The following COX7A2L variants were observed in gnomAD, a reference collection of about 807,000 sequenced individuals.
COX7A2L encodes cytochrome c oxidase subunit 7A2-like, mitochondrial.
In COX7A2L, 18 loss-of-function variants were observed where a neutral mutation model predicts 14.2. The ratio of observed to expected loss-of-function variants is 1.27; its 90% CI spans 0.88 to 1.88. The LOEUF (loss-of-function observed/expected upper bound fraction) is 1.88. Among genes scored for constraint, COX7A2L ranks in the 40% most tolerant of loss-of-function variants. The pLI, the probability that COX7A2L is intolerant of heterozygous loss-of-function variation, is 0.00. For missense variants in COX7A2L, 179 were observed against 138.8 expected (o/e 1.29, Z -1.46); for synonymous variants, 65 against 57.4 (o/e 1.13, Z -0.60).
chr2:42,340,918 G>A (rs1286603897), intron 2 of COX7A2L, among the ~76,000 whole-genome samples: 1 of 152,174 alleles, frequency 6.6e-6, no homozygotes, highest in Non-Finnish European at 1.5e-5. Flanking sequence ...GCAAAGGTGG[G>A]GCAAATGGTC....
chr2:42,344,565 G>A (rs1377528851), downstream of COX7A2L, among the ~76,000 whole-genome samples: 4 of 152,128 alleles, frequency 2.6e-5, no homozygotes, highest in African/African-American at 9.7e-5. Context: ...CTTAGAATGC[G>A]TCGCAGGCCC....
rs941169569 is a variant in COX7A2L at position 42,338,374 on chromosome 2, C to T, written c.193-4505G>A. ...CAAATGGAAAGGAAGAGCAGAATTT[C>T]ACTCTCTAGCAGAGCCCTCCCAAGA... On this transcript the variant is annotated intron_variant, in intron 2 of 2. Transcript: ENST00000468711. The surrounding 1 kb of genome is among the most constrained non-coding windows in gnomAD (Gnocchi z 4.4). 4.7e-4 allele frequency among the ~76,000 whole-genome samples: 71 copies of T among 152,270 alleles called. No homozygotes were observed. The highest frequency in any genetic ancestry group is 1.6e-3 in the African/African-American group (68 of 41,554).
intron 2 of COX7A2L, among the ~76,000 whole-genome samples, chr2:42,340,238 C>G (rs1185784349): frequency 6.6e-6 from 1 of 152,158 alleles, no homozygotes; most frequent in Non-Finnish European, 1.5e-5. Flanking sequence ...ACCCCAGAGA[C>G]AACCTCCCCT....
At chr2:42,351,388 G>T in intron 2 of COX7A2L, 29 bp from the exon 3 acceptor site, 1 of 1,603,038 alleles carries the variant, frequency 6.2e-7, no homozygotes, top group Admixed American at 1.8e-5. Context: ...CAAGGGCATG[G>T]TTGAGAAGAA....
chr2:42,348,689 C>T (rs146948790), downstream of COX7A2L, among the ~76,000 whole-genome samples: 36 of 152,188 alleles, frequency 2.4e-4, no homozygotes, highest in East Asian at 4.1e-3. Flanking sequence ...GAGGCTGAGG[C>T]GGGCAGATCA....
chr2:42,360,718 C>CAAAA (rs10659472), intron 1 of COX7A2L, among the ~76,000 whole-genome samples: 5 of 152,004 alleles, frequency 3.3e-5, no homozygotes, highest in African/African-American at 1.2e-4. Flanking sequence ...TGGCAGATGA[C>CAAAA]AAACGACAAG....
Position 42,361,090 on chromosome 2 carries a change from C to G in COX7A2L, c.72G>C (p.Gln24His). ...GAWASEAYSP[Q>H]GLKPVVSTEA... ...CGAGCTGGCCAGGCGCCACTCGTAC[C>G]TGCGGGCTATAGGCCTCCGAAGCCC... The change falls in exon 1 of 3, where the codon CAG becomes CAC. Residue 24 changes from glutamine (Q) to histidine (H), a missense_variant and splice_region_variant. Physicochemically the swap from Gln to His is conservative, Grantham distance 24. Transcript: ENST00000234301. The G allele has an allele frequency of 6.2e-7, 1 of 1,613,564 alleles. No homozygotes were observed.
intron 1 of COX7A2L, among the ~76,000 whole-genome samples, chr2:42,356,601 G>A (rs533970244): frequency 6.6e-6 from 1 of 152,344 alleles, no homozygotes; most frequent in South Asian, 2.1e-4. Flanking sequence ...AATTCCCATA[G>A]CAATAAGAAA....
intron 2 of COX7A2L, among the ~76,000 whole-genome samples, chr2:42,343,629 C>T (rs912143214): frequency 1.3e-5 from 2 of 152,166 alleles, no homozygotes; most frequent in African/African-American, 2.4e-5. Context: ...TGTATTAAAT[C>T]ACTGGGACCA....
intron 1 of COX7A2L, among the ~76,000 whole-genome samples, chr2:42,355,099 C>CA (rs1441507610): frequency 6.6e-6 from 1 of 152,196 alleles, no homozygotes; most frequent in African/African-American, 2.4e-5. Context: ...CCCACCCTCC[C>CA]AATCAACTAT....
At chr2:42,358,376 C>CTGTAATTGT (rs1670898440) in intron 1 of COX7A2L, among the ~76,000 whole-genome samples, 2 of 152,232 alleles carry the variant, frequency 1.3e-5, no homozygotes. Flanking sequence ...TTACAAATCT[C>CTGTAATTGT]TACCTGTGCA....
downstream of COX7A2L, among the ~76,000 whole-genome samples, chr2:42,346,230 A>G (rs1432297161): frequency 1.3e-5 from 2 of 152,224 alleles, no homozygotes; most frequent in East Asian, 3.8e-4. Flanking sequence ...AATGAGAAAC[A>G]GAGAAAGCTG....
At chr2:42,367,889 G>A (rs1227692202) in intron 1 of COX7A2L, among the ~76,000 whole-genome samples, 1 of 152,216 alleles carries the variant, frequency 6.6e-6, no homozygotes, top group Non-Finnish European at 1.5e-5. Context: ...AGGCTACCGT[G>A]TCCTCTTCCC....
chr2:42,337,548 A>C (rs1670307926), intron 2 of COX7A2L, among the ~76,000 whole-genome samples: 1 of 152,104 alleles, frequency 6.6e-6, no homozygotes, highest in Admixed American at 6.5e-5. Flanking sequence ...ATGAATCTAC[A>C]CGTGGGGTCA....
chr2:42,338,862 A>C lies in COX7A2L; in HGVS notation c.193-4993T>G, dbSNP rs1167602328. On this transcript the variant is annotated intron_variant, in intron 2 of 2. Coordinates refer to the COX7A2L transcript ENST00000468711. This position sits in a 1 kb window ranked among gnomAD's most constrained non-coding sequence, Gnocchi z 4.4. ...CATCTCCCATGTCTAGAAAGGAAAAAGAGAAGATGAAGGCCTTGCCCACAT... is the reference window on the plus strand; with the variant it reads ...CATCTCCCATGTCTAGAAAGGAAAACGAGAAGATGAAGGCCTTGCCCACAT... Among the ~76,000 whole-genome samples the C allele has an allele frequency of 6.6e-6, 1 of 152,208 alleles. No homozygotes were observed. Among genetic ancestry groups the C allele is most frequent in the East Asian group, 1.9e-4 (1 of 5,198 alleles).
chr2:42,361,187 T>A lies in COX7A2L; in HGVS notation c.-26A>T. 1.3e-6 allele frequency: 2 copies of A among 1,586,626 alleles called. No individual in the cohort carries two copies. The highest frequency in any genetic ancestry group is 1.7e-6 in the Non-Finnish European group (2 of 1,163,852). Reference sequence around the variant, plus strand: ...GACGCCCAGAGTCCGGCTTCCCGCATCCGCTGCCAACGCGACCGCCCCAGA... The same window carrying A: ...GACGCCCAGAGTCCGGCTTCCCGCAACCGCTGCCAACGCGACCGCCCCAGA... On this transcript the variant is annotated 5_prime_UTR_variant, in exon 1 of 3. It removes an upstream start codon present in the reference 5' UTR. Transcript: ENST00000234301.
At chr2:42,337,386 A>G (rs1294790920) in intron 2 of COX7A2L, among the ~76,000 whole-genome samples, 2 of 152,202 alleles carry the variant, frequency 1.3e-5, no homozygotes, top group Non-Finnish European at 2.9e-5. Context: ...ACTGCATCCC[A>G]TTGATACACC....
At chr2:42,364,565 A>T (rs964436766), upstream of COX7A2L, among the ~76,000 whole-genome samples, 1 of 152,216 alleles carries the variant, frequency 6.6e-6, no homozygotes, top group Non-Finnish European at 1.5e-5. Context: ...TATGATATTC[A>T]GAATGATGAC....
intron 1 of COX7A2L, among the ~76,000 whole-genome samples, chr2:42,356,587 C>T (rs181517802): frequency 5.7e-4 from 87 of 152,338 alleles, no homozygotes; most frequent in Middle Eastern, 6.8e-3. Flanking sequence ...GGCAGGGCAT[C>T]CACAATTCCC....
Sources: gnomAD v4.1 joint callset for allele counts (sites outside exome capture counted in the v4.1 genomes callset) on GRCh38, gnomAD v4.1.1 for gene constraint, Gnocchi (gnomAD v3.1) non-coding constraint, MANE v1.5 for transcripts, NCBI Gene and HGNC (gene_info 2026-07-23, HGNC 2026-07-21) for gene names.